Variants in HMGCS2 observed in about 807,000 individuals in gnomAD.
HMGCS2 encodes the protein hydroxymethylglutaryl-CoA synthase, mitochondrial.
Under a neutral mutation model 57.4 loss-of-function variants are expected in HMGCS2, and 50 were observed. That is an observed-to-expected ratio of 0.87 (90% confidence interval 0.69 to 1.10). The LOEUF is 1.10. Ranked by LOEUF, HMGCS2 falls within the 50% of genes least tolerant of loss-of-function variation. The pLI is 0.00. For missense variants in HMGCS2, 627 were observed against 636.5 expected (o/e 0.99, Z 0.16); for synonymous variants, 254 against 245.1 (o/e 1.04, Z -0.34).
At chr1:119,751,553 T>A (rs918245881) in intron 8 of HMGCS2, among the ~76,000 whole-genome samples, 4 of 151,488 alleles carry the variant, frequency 2.6e-5, no homozygotes, top group African/African-American at 7.3e-5. Flanking sequence ...TTATTTTTTT[T>A]ATTATATTCA....
intron 5 of HMGCS2, 79 bp from the exon 6 acceptor site, chr1:119,755,676 T>G: frequency 7.5e-7 from 1 of 1,329,574 alleles, no homozygotes; most frequent in Non-Finnish European, 1.1e-6. Context: ...TAACAGCTTC[T>G]GGAGAGGACT....
intron 6 of HMGCS2, among the ~76,000 whole-genome samples, chr1:119,754,245 A>T (rs1652762700): frequency 6.6e-6 from 1 of 151,866 alleles, no homozygotes. Context: ...TTAGTAGAGA[A>T]GGGGTTTTGC....
At chr1:119,758,059 G>T (rs893172751) in intron 4 of HMGCS2, among the ~76,000 whole-genome samples, 5 of 152,238 alleles carry the variant, frequency 3.3e-5, no homozygotes, top group Non-Finnish European at 5.9e-5. Flanking sequence ...GGCAGGTGGT[G>T]TCCCACCCAC....
In HMGCS2 at chr1:119,764,218, G is replaced by A; in HGVS notation, c.513C>T (p.Ala171=). The change falls in exon 2 of 10, where the codon GCC becomes GCT. Residue 171 remains alanine, a synonymous_variant. Coordinates refer to ENST00000369406, the MANE Select transcript of HMGCS2 (RefSeq NM_005518.4). ...TCCAGTTGGCAGCATTGAAGAGGGAGGCAGTACCACCGTAGCAGGCATTGG... is the reference window on the plus strand; with the variant it reads ...TCCAGTTGGCAGCATTGAAGAGGGAAGCAGTACCACCGTAGCAGGCATTGG... ...DTTNACYGGT[A]SLFNAANWME... is the part of the protein sequence containing the mutation. 1.2e-6 allele frequency: 2 copies of A among 1,613,908 alleles called. No homozygotes were observed. Among genetic ancestry groups the A allele is most frequent in the South Asian group, 1.1e-5 (1 of 91,062 alleles).
chr1:119,756,980 C>T (rs989394148), intron 5 of HMGCS2, among the ~76,000 whole-genome samples: 4 of 152,090 alleles, frequency 2.6e-5, no homozygotes, highest in Non-Finnish European at 5.9e-5. Context: ...CTCTTTCTCC[C>T]TTCCTCTCTT....
intron 6 of HMGCS2, among the ~76,000 whole-genome samples, chr1:119,753,946 G>T (rs960734554): frequency 6.6e-6 from 1 of 151,640 alleles, no homozygotes; most frequent in East Asian, 1.9e-4. Flanking sequence ...ATGCAGTGGC[G>T]TGATCATGGC....
At position 119,768,828 on chromosome 1, in the gene HMGCS2, G is replaced by A. The variant is rs1189194662; in HGVS notation, c.17C>T (p.Thr6Ile). 1 of 1,613,618 alleles carries A rather than the reference G, an allele frequency of 6.2e-7. No homozygotes were observed. Among genetic ancestry groups the A allele is most frequent in the African/African-American group, 1.3e-5 (1 of 74,880 alleles). ...CAGTTGCAGAATGCGCTTCACTGGA[G>A]TCAACAGACGCTGCATCTCCAGAGG... Reference protein sequence around the residue: MQRLLTPVKRILQLTR... With the variant: MQRLLIPVKRILQLTR... Residue 6 changes from threonine (T) to isoleucine (I), a missense_variant, in exon 1 of 10, where the codon ACT (threonine) becomes ATT (isoleucine). Thr to Ile is a moderately conservative substitution (Grantham distance 89, BLOSUM62 -1). Coordinates refer to ENST00000369406, the MANE Select transcript of HMGCS2 (RefSeq NM_005518.4).
At chr1:119,757,535 C>G (rs1049264412) in intron 4 of HMGCS2, 97 bp from the exon 5 acceptor site, 28 of 1,590,008 alleles carry the variant, frequency 1.8e-5, no homozygotes, top group Middle Eastern at 1.7e-4. Context: ...CTCCAGGCCT[C>G]CCAGGGAACT....
intron 2 of HMGCS2, among the ~76,000 whole-genome samples, chr1:119,760,700 A>G (rs1653007649): frequency 6.6e-6 from 1 of 152,208 alleles, no homozygotes; most frequent in South Asian, 2.1e-4. Flanking sequence ...TTCATCTGTA[A>G]GAAGTACTGT....
chr1:119,755,913 T>TA (rs1652825101), intron 5 of HMGCS2, among the ~76,000 whole-genome samples: 4 of 23,572 alleles, frequency 1.7e-4, no homozygotes, highest in African/African-American at 3.8e-4. Context: ...ATATATATAT[T>TA]TTTTTTCCAT....
chr1:119,752,718 T>C, intron 7 of HMGCS2, 44 bp from the exon 8 acceptor site: 1 of 1,611,114 alleles, frequency 6.2e-7, no homozygotes, highest in Non-Finnish European at 8.5e-7. Flanking sequence ...TCATTGTCAT[T>C]ATCACTATTG....
At chr1:119,765,854 A>C (rs981375804) in intron 1 of HMGCS2, among the ~76,000 whole-genome samples, 1 of 152,164 alleles carries the variant, frequency 6.6e-6, no homozygotes, top group Non-Finnish European at 1.5e-5. Flanking sequence ...TCCAATGTTT[A>C]TTGAGCACAC....
chr1:119,768,814 T>C lies in HMGCS2; in HGVS notation c.31A>G (p.Ile11Val). Residue 11 changes from isoleucine (I) to valine (V), a missense_variant, in exon 1 of 10, where the codon ATT becomes GTT. Coordinates refer to ENST00000369406, the MANE Select transcript of HMGCS2 (RefSeq NM_005518.4). ...TGCACCGCTCTTGTCAGTTGCAGAA[T>C]GCGCTTCACTGGAGTCAACAGACGC... MQRLLTPVKR[I>V]LQLTRAVQET... 1 of 1,614,058 alleles carries C rather than the reference T, an allele frequency of 6.2e-7. No homozygotes were observed. The highest frequency in any genetic ancestry group is 8.5e-7 in the Non-Finnish European group (1 of 1,179,972).
intron 1 of HMGCS2, 141 bp downstream of exon 1, chr1:119,768,600 C>A: frequency 1.4e-6 from 1 of 697,960 alleles, no homozygotes; most frequent in Non-Finnish European, 2.6e-6. Flanking sequence ...TAACTGAGAC[C>A]CTTTAAAGTT....
intron 1 of HMGCS2, among the ~76,000 whole-genome samples, chr1:119,768,070 T>G (rs912249656): frequency 6.6e-6 from 1 of 152,182 alleles, no homozygotes; most frequent in African/African-American, 2.4e-5. Context: ...AGTCCCAATG[T>G]GTAGTGGATG....
At chr1:119,768,686 G>A in intron 1 of HMGCS2, 55 bp downstream of exon 1, 1 of 1,306,824 alleles carries the variant, frequency 7.7e-7, no homozygotes, top group Admixed American at 1.7e-5. Flanking sequence ...TTCCCCAATA[G>A]CAGGGAAAAA....
chr1:119,755,567 G>T lies in HMGCS2; in HGVS notation c.1047C>A (p.Asn349Lys). 1 of 1,614,158 alleles carries T rather than the reference G, an allele frequency of 6.2e-7. No homozygotes were observed. The highest frequency in any genetic ancestry group is 8.5e-7 in the Non-Finnish European group (1 of 1,180,032). Residue 349 changes from asparagine (N) to lysine (K), a missense_variant, in exon 6 of 10, where the codon AAC (asparagine) becomes AAA (lysine). Transcript: ENST00000369406. ...TTAGAAGTGCTTTATCCAGGTCCTT[G>T]TTGGTGTAGGTGTCTTCCAGCTTTA... ...GGLKLEDTYT[N>K]KDLDKALLKA...
rs765680777 is a variant in HMGCS2, at chr1:119,752,644, G to A, written c.1325C>T (p.Thr442Ile). The part of the protein sequence containing the change: ...GSPLDKLVSS[T>I]SDLPKRLASR... The stretch of plus-strand genomic sequence containing the variant: ...GGCTAGGCGTTTTGGCAGGTCTGAT[G>A]TGCTGGACACCAACTTGTCCAGGGG... Residue 442 changes from threonine to isoleucine, a missense_variant, in exon 8 of 10, where the codon ACA becomes ATA. Thr to Ile is a moderately conservative substitution (Grantham distance 89). Transcript: ENST00000369406. The A allele has an allele frequency of 1.1e-5, 18 of 1,613,996 alleles. No individual in the cohort carries two copies. In the African/African-American group the frequency reaches 1.7e-4, roughly 16 times the overall value.
Position 119,764,229 on chromosome 1 carries a change from C to T in HMGCS2, c.502G>A (p.Gly168Ser), listed in dbSNP as rs746217014. The stretch of plus-strand genomic sequence containing the variant: ...GCATTGAAGAGGGAGGCAGTACCAC[C>T]GTAGCAGGCATTGGTGGTATCTATG... ...EGIDTTNACY[G>S]GTASLFNAAN... The change falls in exon 2 of 10, where the codon GGT becomes AGT. Residue 168 changes from glycine (G) to serine (S), a missense_variant. By Grantham distance (56) the Gly-to-Ser change is moderately conservative (BLOSUM62 0). Coordinates refer to ENST00000369406, the MANE Select transcript of HMGCS2 (RefSeq NM_005518.4). 124 of 1,613,910 alleles carry T rather than the reference C, an allele frequency of 7.7e-5. No homozygotes were observed. Among genetic ancestry groups the T allele is most frequent in the Middle Eastern group, 1.7e-4 (1 of 5,978 alleles).
Sources: gnomAD v4.1 joint callset for allele counts (sites outside exome capture counted in the v4.1 genomes callset) on GRCh38, gnomAD v4.1.1 for gene constraint, MANE v1.5 for transcripts, NCBI Gene and HGNC (gene_info 2026-07-23, HGNC 2026-07-21) for gene names.